Variants in NAALADL2 observed in about 807,000 individuals in gnomAD.
The protein encoded by NAALADL2 is N-acetylated alpha-linked acidic dipeptidase like 2.
In NAALADL2, 76 loss-of-function variants were observed where a neutral mutation model predicts 87.2. That is an observed-to-expected ratio of 0.87 (90% CI 0.72 to 1.05). The LOEUF is 1.05. Among genes scored for constraint, NAALADL2 ranks in the 50% least tolerant of loss-of-function variants. The probability of loss-of-function intolerance (pLI) is 0.00; values close to 1 mark genes in which losing one functional copy is unlikely to be tolerated. For missense variants in NAALADL2, 1,089 were observed against 945.8 expected (o/e 1.15, Z -1.99); for synonymous variants, 354 against 331.0 (o/e 1.07, Z -0.75).
intron 2 of NAALADL2, among the ~76,000 whole-genome samples, chr3:175,202,692 T>C (rs921381233): frequency 2.0e-5 from 3 of 152,072 alleles, no homozygotes; most frequent in South Asian, 4.1e-4. Flanking sequence ...CAAGAGTATA[T>C]GCCCTTTGCC....
intron 5 of NAALADL2, among the ~76,000 whole-genome samples, chr3:175,335,450 C>A (rs1761880710): frequency 6.6e-6 from 1 of 152,098 alleles, no homozygotes; most frequent in Non-Finnish European, 1.5e-5. Context: ...GCATTTTTTA[C>A]CATTTGAAAG....
rs533765098 is a variant in NAALADL2 at position 175,188,389 on chromosome 3, C to T, written c.546-45542C>T. 2.0e-4 allele frequency among the ~76,000 whole-genome samples: 30 copies of T among 152,272 alleles called. No individual in the cohort carries two copies. The South Asian group carries it at 3.5e-3, about 18-fold the overall frequency. On this transcript the variant is annotated intron_variant, in intron 2 of 13. Coordinates refer to ENST00000454872, the MANE Select transcript of NAALADL2 (RefSeq NM_207015.3). ...CTGAGCTGGTATGACACCCCACCCC[C>T]GTGAGGGCCAGATTCTTCGCAAAGC...
At chr3:175,304,611 C>T (rs756339413) in intron 4 of NAALADL2, among the ~76,000 whole-genome samples, 11 of 152,100 alleles carry the variant, frequency 7.2e-5, no homozygotes, top group African/African-American at 2.2e-4. Flanking sequence ...CATTTCAACT[C>T]GCAGGGTGTG....
chr3:174,515,573 C>G (rs1719892413), intron 1 of NAALADL2, among the ~76,000 whole-genome samples: 1 of 151,534 alleles, frequency 6.6e-6, no homozygotes, highest in African/African-American at 2.4e-5. Flanking sequence ...TTTAGTATAT[C>G]AGGTACTATA....
rs189004335 is a variant in NAALADL2 at position 174,697,917 on chromosome 3, C to T, written c.-114-39724C>T. ...CCATCCTGGCCAATGTGGTGAAACC[C>T]GGTCTCTACTAAAATACAAAAAAAT... On this transcript the variant is annotated intron_variant, in intron 2 of 3. Transcript: ENST00000434257. 5.6e-3 allele frequency among the ~76,000 whole-genome samples: 852 copies of T among 151,990 alleles called. 8 individuals are homozygous for T. Among genetic ancestry groups the T allele is most frequent in the African/African-American group, 0.02 (829 of 41,442 alleles).
In NAALADL2 at chr3:174,966,218, TTG is replaced by T. The variant is rs1426983716; in HGVS notation, c.43+106770_43+106771del. Among the ~76,000 whole-genome samples the T allele has an allele frequency of 3.3e-5, 5 of 152,280 alleles. No individual in the cohort carries two copies. The East Asian group carries it at 7.7e-4, about 23-fold the overall frequency. On this transcript the variant is annotated intron_variant, in intron 1 of 13. Coordinates refer to ENST00000454872, the MANE Select transcript of NAALADL2 (RefSeq NM_207015.3). ...TAAATTAAGCTCTAGGTCAAAAACT[TTG>T]TTTCTCCTTGATCTTGAAGGCCAAG...
At chr3:175,199,833 TATATATATATATATATATATATATA>T (rs1739573135) in intron 2 of NAALADL2, among the ~76,000 whole-genome samples, 3 of 12,036 alleles carry the variant, frequency 2.5e-4, no homozygotes, top group African/African-American at 4.0e-4. Context: ...TATATATATA[TATATATATATATATATATATATATA>T]TATATATTTT....
intron 9 of NAALADL2, among the ~76,000 whole-genome samples, chr3:175,535,603 C>G (rs1734708948): frequency 6.6e-6 from 1 of 152,134 alleles, no homozygotes; most frequent in African/African-American, 2.4e-5. Flanking sequence ...AGTGTCCATC[C>G]ATTTGTTTTT....
chr3:174,707,140 A>C (rs1373187978), intron 2 of NAALADL2, among the ~76,000 whole-genome samples: 1 of 152,170 alleles, frequency 6.6e-6, no homozygotes, highest in African/African-American at 2.4e-5. Context: ...AAAAGTCAGG[A>C]AACAACAGGT....
chr3:175,058,169 C>T (rs1439071663), intron 1 of NAALADL2, among the ~76,000 whole-genome samples: 1 of 152,020 alleles, frequency 6.6e-6, no homozygotes, highest in Non-Finnish European at 1.5e-5. Context: ...AAACAATTTT[C>T]TAACCATTGT....
At chr3:175,415,352 A>G (rs1714420961) in intron 5 of NAALADL2, among the ~76,000 whole-genome samples, 1 of 152,160 alleles carries the variant, frequency 6.6e-6, no homozygotes, top group South Asian at 2.1e-4. Flanking sequence ...GAGGGGAAAA[A>G]TACTATTTGG....
chr3:175,057,526 T>G (rs1054813187), intron 1 of NAALADL2, among the ~76,000 whole-genome samples: 1 of 152,222 alleles, frequency 6.6e-6, no homozygotes, highest in Non-Finnish European at 1.5e-5. Context: ...ACTCTTACCC[T>G]GTTGACAGTT....
chr3:174,801,382 G>T (rs1190289870), intron 3 of NAALADL2, among the ~76,000 whole-genome samples: 2 of 152,192 alleles, frequency 1.3e-5, no homozygotes. Flanking sequence ...TGCCATCCAT[G>T]TAAGATGTGA....
chr3:174,911,317 T>A (rs74398062), intron 1 of NAALADL2, among the ~76,000 whole-genome samples: 2,388 of 152,240 alleles, frequency 0.016, 68 homozygotes, highest in African/African-American at 0.052. Flanking sequence ...ATCAAATATA[T>A]TTGTAGAATT....
At chr3:174,838,727 A>G (rs987430255) in intron 3 of NAALADL2, among the ~76,000 whole-genome samples, 4 of 152,126 alleles carry the variant, frequency 2.6e-5, no homozygotes, top group Non-Finnish European at 4.4e-5. Context: ...CAAATCAAGA[A>G]CTCAACACAT....
intron 5 of NAALADL2, among the ~76,000 whole-genome samples, chr3:175,326,311 T>C (rs1760699992): frequency 6.6e-6 from 1 of 152,214 alleles, no homozygotes; most frequent in Non-Finnish European, 1.5e-5. Context: ...GTTAACATTC[T>C]GATCATGACC....
chr3:175,588,760 G>A (rs140913702), intron 10 of NAALADL2, among the ~76,000 whole-genome samples: 7 of 152,022 alleles, frequency 4.6e-5, no homozygotes, highest in African/African-American at 1.7e-4. Flanking sequence ...GGATGGTCTC[G>A]ATCTCCTGAC....
intron 10 of NAALADL2, among the ~76,000 whole-genome samples, chr3:175,578,946 A>G (rs1356945317): frequency 6.6e-6 from 1 of 152,224 alleles, no homozygotes; most frequent in Admixed American, 6.5e-5. Flanking sequence ...TAGAAGATGA[A>G]TACTCAACTA....
chr3:175,542,418 C>T (rs939694302), intron 9 of NAALADL2, among the ~76,000 whole-genome samples: 2 of 152,192 alleles, frequency 1.3e-5, no homozygotes, highest in African/African-American at 4.8e-5. Flanking sequence ...TCCAGATATG[C>T]CCAAATCTGT....
Sources: gnomAD v4.1 joint callset for allele counts (sites outside exome capture counted in the v4.1 genomes callset) on GRCh38, gnomAD v4.1.1 for gene constraint, MANE v1.5 for transcripts, NCBI Gene and HGNC (gene_info 2026-07-23, HGNC 2026-07-21) for gene names.